PRIMA1: variants seen among roughly 807,000 people sequenced by gnomAD.
PRIMA1 encodes proline-rich membrane anchor 1.
A neutral mutation model predicts 17.5 loss-of-function variants in PRIMA1; 7 were observed. That is an observed-to-expected ratio of 0.40 (90% confidence interval 0.23 to 0.75). PRIMA1 has a LOEUF of 0.75. PRIMA1 is among the 30% of genes least tolerant of loss of function. The pLI is 0.37. For missense variants in PRIMA1, 200 were observed against 201.8 expected (o/e 0.99, Z 0.05); for synonymous variants, 97 against 77.9 (o/e 1.25, Z -1.29).
At chr14:93,770,565 C>T (rs190997668) in intron 3 of PRIMA1, among the ~76,000 whole-genome samples, 1 of 152,344 alleles carries the variant, frequency 6.6e-6, no homozygotes, top group African/African-American at 2.4e-5. Context: ...GGTCAGCTCT[C>T]AGCTTAAATG....
chr14:93,768,811 T>TG (rs59375306), intron 3 of PRIMA1, among the ~76,000 whole-genome samples: 6,063 of 144,180 alleles, frequency 0.042, 411 homozygotes, highest in African/African-American at 0.16. Context: ...CTTTTTTTCT[T>TG]TTTTTTTTTT....
chr14:93,758,406 C>A (rs960630694), intron 3 of PRIMA1, among the ~76,000 whole-genome samples: 1 of 151,838 alleles, frequency 6.6e-6, no homozygotes, highest in Non-Finnish European at 1.5e-5. Context: ...GACAACATGG[C>A]AAAACCCCAT....
At chr14:93,765,180 T>C (rs1210979634) in intron 3 of PRIMA1, among the ~76,000 whole-genome samples, 1 of 151,858 alleles carries the variant, frequency 6.6e-6, no homozygotes, top group Admixed American at 6.6e-5. Context: ...TGGCCCCACA[T>C]GCTCCCAGGC....
At position 93,730,023 on chromosome 14, in the gene PRIMA1, C is replaced by T. The variant is rs1315681006; in HGVS notation, c.359+7218G>A. On this transcript the variant is annotated intron_variant, in intron 4 of 4. Coordinates refer to ENST00000393140, the MANE Select transcript of PRIMA1 (RefSeq NM_178013.4). ...ACCAAAAGCAGACGATTTCACTCAC[C>T]CAGATAGAGAAAAAAAATGAGTTTA... Among the ~76,000 whole-genome samples, 4 of 152,160 alleles carry T rather than the reference C, an allele frequency of 2.6e-5. No homozygotes were observed. In the South Asian group the frequency reaches 8.3e-4, roughly 32 times the overall value.
chr14:93,721,258 G>T lies in PRIMA1; in HGVS notation c.*186C>A, dbSNP rs995567820. ...CCGGGCTCAGCCTGGTGTCCGAGCT[G>T]CCTGGGCCCGCAGGCTGACCAGGGG... On this transcript the variant is annotated 3_prime_UTR_variant, in exon 5 of 5. Transcript: ENST00000393140. 1.6e-5 allele frequency: 9 copies of T among 570,454 alleles called. No homozygotes were observed. In the African/African-American group the frequency reaches 1.7e-4, roughly 11 times the overall value. The allele number at this position is 570,454 out of a possible 1,614,324, so 35.3% of individuals were successfully genotyped here. A position where few individuals can be genotyped will look rare whatever the true frequency, so the allele number is the denominator to read the frequency against.
At position 93,772,600 on chromosome 14, in the gene PRIMA1, G is replaced by A. The variant is rs116943855; in HGVS notation, c.229+6576C>T. On this transcript the variant is annotated intron_variant, in intron 3 of 4. Transcript: ENST00000393140. ...TGAAGGCTTTTTGTTCAGGCCACAA[G>A]CAGGCCTCTAGCTCTGCCAGGGTTC... Among the ~76,000 whole-genome samples the A allele has an allele frequency of 1.1e-4, 17 of 152,376 alleles. No individual in the cohort carries two copies. In the East Asian group the frequency reaches 3.3e-3, roughly 29 times the overall value.
chr14:93,743,947 C>T (rs1258310855), intron 3 of PRIMA1, among the ~76,000 whole-genome samples: 2 of 152,370 alleles, frequency 1.3e-5, no homozygotes, highest in East Asian at 1.9e-4. Context: ...GTGTCCTCTT[C>T]GGCCCTGCCT....
intron 3 of PRIMA1, among the ~76,000 whole-genome samples, chr14:93,741,487 C>G (rs576560409): frequency 6.6e-6 from 1 of 152,352 alleles, no homozygotes; most frequent in African/African-American, 2.4e-5. Context: ...CTCATTCAGT[C>G]ATTTGTTCAT....
chr14:93,721,284 C>T lies in PRIMA1; in HGVS notation c.*160G>A. On this transcript the variant is annotated 3_prime_UTR_variant, in exon 5 of 5. Transcript: ENST00000393140. ...CCTGGGCCCGCAGGCTGACCAGGGG[C>T]AAGCCTGGGAAGACAATGGTTTCTC... 3.4e-6 allele frequency: 2 copies of T among 588,756 alleles called. No individual in the cohort carries two copies. The highest frequency in any genetic ancestry group is 4.2e-5 in the South Asian group (2 of 48,020). 36.5% of individuals were successfully genotyped at this position (588,756 alleles called of 1,614,324 possible).
chr14:93,771,795 G>T (rs543115821), intron 3 of PRIMA1, among the ~76,000 whole-genome samples: 1 of 152,110 alleles, frequency 6.6e-6, no homozygotes, highest in African/African-American at 2.4e-5. Flanking sequence ...GTGGACAGAA[G>T]GACTATACGT....
rs183165421 is a variant in PRIMA1, at chr14:93,762,713, C to T, written c.229+16463G>A. Reference sequence around the variant, plus strand: ...CTGTCCAATAGGGAGTGAGTCAGATCGTTCCTGTCCTCAGCCCTACCTTAC... The same window carrying T: ...CTGTCCAATAGGGAGTGAGTCAGATTGTTCCTGTCCTCAGCCCTACCTTAC... On this transcript the variant is annotated intron_variant, in intron 3 of 4. Transcript: ENST00000393140. 5.9e-5 allele frequency among the ~76,000 whole-genome samples: 9 copies of T among 152,240 alleles called. No homozygotes were observed. The East Asian group carries it at 9.7e-4, about 16-fold the overall frequency.
chr14:93,748,340 T>A (rs1269270665), intron 3 of PRIMA1, among the ~76,000 whole-genome samples: 1 of 152,052 alleles, frequency 6.6e-6, no homozygotes, highest in Non-Finnish European at 1.5e-5. Flanking sequence ...CTGTGACGGC[T>A]GCATAGACAC....
At position 93,739,031 on chromosome 14, in the gene PRIMA1, T is replaced by A. The variant is rs192759892; in HGVS notation, c.230-1661A>T. Among the ~76,000 whole-genome samples the A allele has an allele frequency of 2.0e-3, 308 of 152,296 alleles. 1 individual carries two copies. Among genetic ancestry groups the A allele is most frequent in the African/African-American group, 6.7e-3 (278 of 41,564 alleles). On this transcript the variant is annotated intron_variant, in intron 3 of 4. Coordinates refer to ENST00000393140, the MANE Select transcript of PRIMA1 (RefSeq NM_178013.4). ...AATAGTATTTCTTTATATGAACATA[T>A]CACAATTTGTTGTTGTTTTTTCTTT...
At chr14:93,759,843 G>A (rs545808865) in intron 3 of PRIMA1, among the ~76,000 whole-genome samples, 2 of 152,314 alleles carry the variant, frequency 1.3e-5, no homozygotes, top group African/African-American at 4.8e-5. Context: ...GAAGGACGTG[G>A]TGTTCACCAC....
intron 4 of PRIMA1, among the ~76,000 whole-genome samples, chr14:93,727,578 C>A (rs2076086557): frequency 6.6e-6 from 1 of 152,084 alleles, no homozygotes; most frequent in Non-Finnish European, 1.5e-5. Context: ...GCACCCGCCT[C>A]CCTGAAACTC....
chr14:93,759,584 G>A (rs566264651), intron 3 of PRIMA1, among the ~76,000 whole-genome samples: 2 of 152,322 alleles, frequency 1.3e-5, no homozygotes, highest in Non-Finnish European at 2.9e-5. Flanking sequence ...TTGCAAAAAA[G>A]AGAGCATGAC....
rs74073720 is a variant in PRIMA1, at chr14:93,766,859, G to A, written c.229+12317C>T. Among the ~76,000 whole-genome samples, 1,078 of 152,240 alleles carry A rather than the reference G, an allele frequency of 7.1e-3. 15 individuals carry two copies. The highest frequency in any genetic ancestry group is 0.025 in the African/African-American group (1,026 of 41,564). On this transcript the variant is annotated intron_variant, in intron 3 of 4. Transcript: ENST00000393140. ...GTCAAGTTCTGCAACTCAAGAAGAA[G>A]AAATGAAGAAGGAAAATAAGATACA...
chr14:93,785,871 C>G (rs1271305808), intron 2 of PRIMA1, among the ~76,000 whole-genome samples: 1 of 151,382 alleles, frequency 6.6e-6, no homozygotes, highest in African/African-American at 2.4e-5. Flanking sequence ...CGCACACACA[C>G]ACACCCCTGC....
intron 3 of PRIMA1, among the ~76,000 whole-genome samples, chr14:93,740,063 T>TA (rs10650087): frequency 0.011 from 1,678 of 148,406 alleles, 14 homozygotes; most frequent in African/African-American, 0.023. Flanking sequence ...AGACTCCAGC[T>TA]AAAAAAAAAA....
Sources: allele counts gnomAD v4.1 joint callset (sites outside exome capture counted in the v4.1 genomes callset), GRCh38; gene constraint gnomAD v4.1.1; transcripts MANE v1.5; gene names NCBI Gene and HGNC (gene_info 2026-07-23, HGNC 2026-07-21).